Variants in RGPD1 observed in about 807,000 individuals in gnomAD.
The protein encoded by RGPD1 is RANBP2 like and GRIP domain containing 1.
Under a neutral mutation model 40.6 loss-of-function variants are expected in RGPD1, and 7 were observed. That is an observed-to-expected ratio of 0.17 (90% CI 0.10 to 0.32). RGPD1 has a LOEUF of 0.32. Ranked by LOEUF, RGPD1 falls within the 10% of genes least tolerant of loss-of-function variation. The probability of loss-of-function intolerance (pLI) is 1.00; values close to 1 mark genes in which losing one functional copy is unlikely to be tolerated. For missense variants in RGPD1, 50 were observed against 472.5 expected, an observed-to-expected ratio of 0.11 and a Z score of 8.29; for synonymous variants, 24 against 167.0, an observed-to-expected ratio of 0.14 and a Z score of 6.60.
intron 22 of RGPD1, among the ~76,000 whole-genome samples, chr2:87,008,831 G>T (rs1682143885): frequency 1.7e-5 from 1 of 57,234 alleles, no homozygotes; most frequent in Non-Finnish European, 3.2e-5. Context: ...TTCATCAAAA[G>T]AATGGATATG....
chr2:86,941,390 C>CTT (rs1163415939), upstream of RGPD1, among the ~76,000 whole-genome samples: 5 of 142,102 alleles, frequency 3.5e-5, no homozygotes, highest in African/African-American at 1.0e-4. Context: ...ATTCCTTTTC[C>CTT]TTTTTTTTTT....
At chr2:86,934,714 A>T (rs1178631933) in intron 1 of RGPD1, 1 of 207,300 alleles carries the variant, frequency 4.8e-6, no homozygotes, top group African/African-American at 2.4e-5. Context: ...CAGGCTCTTA[A>T]TGGTCAACCA....
Position 86,942,160 on chromosome 2 carries a change from C to G in RGPD1, c.-77C>G, listed in dbSNP as rs1050563612. The G allele has an allele frequency of 4.9e-5, 74 of 1,522,052 alleles. No homozygotes were observed. Among genetic ancestry groups the G allele is most frequent in the Admixed American group, 8.2e-5 (4 of 48,888 alleles). 94.3% of individuals were successfully genotyped at this position (1,522,052 alleles called of 1,614,324 possible). A position where few individuals can be genotyped will look rare whatever the true frequency, so the allele number is the denominator to read the frequency against. ...CGGCTACGTCAGTGGCTTTCAGGCGCTTTCCTGTTGGAATTGGCGACTGCT... is the reference window on the plus strand; with the variant it reads ...CGGCTACGTCAGTGGCTTTCAGGCGGTTTCCTGTTGGAATTGGCGACTGCT... On this transcript the variant is annotated 5_prime_UTR_variant, in exon 1 of 23. Transcript: ENST00000641458.
chr2:86,931,969 TTATA>T (rs1401161354), intron 1 of RGPD1, among the ~76,000 whole-genome samples: 1 of 148,204 alleles, frequency 6.7e-6, no homozygotes, highest in African/African-American at 2.5e-5. Context: ...ATATATATAT[TTATA>T]TATAATATTC....
upstream of RGPD1, among the ~76,000 whole-genome samples, chr2:86,940,874 C>G (rs1443615507): frequency 6.6e-6 from 1 of 152,026 alleles, no homozygotes; most frequent in Non-Finnish European, 1.5e-5. Flanking sequence ...ATTTTCCACT[C>G]CAAACTAGAT....
chr2:86,944,907 C>A (rs944453180), intron 1 of RGPD1, among the ~76,000 whole-genome samples: 2 of 151,830 alleles, frequency 1.3e-5, no homozygotes, highest in African/African-American at 4.8e-5. Context: ...AATGTAGAGA[C>A]GGGGTCTTAC....
intron 1 of RGPD1, among the ~76,000 whole-genome samples, chr2:86,929,593 T>C (rs1678758697): frequency 6.8e-6 from 1 of 146,564 alleles, no homozygotes; most frequent in African/African-American, 2.5e-5. Context: ...GCGCCCTTTC[T>C]ACAGATGAGG....
At chr2:86,930,694 G>A in intron 1 of RGPD1, 1 of 1,602,696 alleles carries the variant, frequency 6.2e-7, no homozygotes, top group Non-Finnish European at 8.5e-7. Context: ...AGCTGCTGTT[G>A]CGGCGCCCGA....
intron 4 of RGPD1, among the ~76,000 whole-genome samples, chr2:86,954,687 A>G (rs1486313178): frequency 2.8e-5 from 4 of 140,732 alleles, no homozygotes; most frequent in Non-Finnish European, 4.7e-5. Flanking sequence ...AGCATTTTGG[A>G]TAGGGGATAC....
In RGPD1 at chr2:86,924,557, A is replaced by C. The variant is rs112811796; in HGVS notation, c.72+10636A>C. On this transcript the variant is annotated intron_variant, in intron 1 of 22. Coordinates refer to the RGPD1 transcript ENST00000398193. ...CGTAGTTGGCTGTAATCTCGAACTC[A>C]TAGGCTCAAGCCATCCTCCTACCTC... 5.3e-3 allele frequency among the ~76,000 whole-genome samples: 796 copies of C among 148,898 alleles called. 13 individuals are homozygous for C. Among genetic ancestry groups the C allele is most frequent in the African/African-American group, 8.2e-3 (330 of 40,110 alleles).
At chr2:86,941,913 T>C (rs961883765), upstream of RGPD1, among the ~76,000 whole-genome samples, 3 of 151,878 alleles carry the variant, frequency 2.0e-5, no homozygotes, top group East Asian at 2.0e-4. Flanking sequence ...GTTTTCGCCA[T>C]GTTGGCCAGG....
At chr2:86,935,080 TG>T (rs1390752450) in intron 1 of RGPD1, among the ~76,000 whole-genome samples, 1 of 147,456 alleles carries the variant, frequency 6.8e-6, no homozygotes, top group African/African-American at 2.5e-5. Context: ...TCAAGCGATC[TG>T]CCCGCTTTGG....
rs545976390 is a variant in RGPD1 at position 86,942,290 on chromosome 2, C to T, written c.54C>T (p.Ser18=). The change falls in exon 1 of 23, where the codon TCC becomes TCT. Residue 18 remains serine (S), a synonymous_variant. Coordinates refer to ENST00000641458, the MANE Select transcript of RGPD1 (RefSeq NM_001382344.1). The part of the protein sequence containing the change: ...GERYVASVQG[S]APSPGKKLRG... ...GGTACGTCGCCTCGGTGCAGGGCTC[C>T]GCCCCGTCGCCTGGAAAGGTGAGTG... is the stretch of plus-strand genomic sequence containing the variant. 1.9e-4 allele frequency: 298 copies of T among 1,599,872 alleles called. No individual in the cohort carries two copies. The highest frequency in any genetic ancestry group is 3.4e-4 in the Admixed American group (20 of 58,790).
chr2:86,930,655 GGTT>G (rs1678877224), intron 1 of RGPD1: 5 of 1,611,198 alleles, frequency 3.1e-6, no homozygotes, highest in Non-Finnish European at 4.2e-6. Flanking sequence ...AGGTAGGGCT[GGTT>G]GTTCACTCCT....
At chr2:86,924,398 G>A (rs1273363042) in intron 1 of RGPD1, among the ~76,000 whole-genome samples, 5 of 149,662 alleles carry the variant, frequency 3.3e-5, no homozygotes, top group Non-Finnish European at 7.5e-5. Context: ...TCAATAATCC[G>A]CCCATGTTGA....
At chr2:86,913,665 G>T (rs1007046196), upstream of RGPD1, 13 of 1,246,336 alleles carry the variant, frequency 1.0e-5, 1 homozygote, top group South Asian at 4.2e-5. Flanking sequence ...CCAAGAGCCC[G>T]GCCGAGTGCA....
At chr2:86,930,541 A>G in intron 1 of RGPD1, 9 of 1,573,678 alleles carry the variant, frequency 5.7e-6, no homozygotes, top group Non-Finnish European at 7.8e-6. Flanking sequence ...AAGGCCCAAC[A>G]GCAGCTAAAG....
chr2:86,915,064 G>A (rs564956434), intron 1 of RGPD1, among the ~76,000 whole-genome samples: 18 of 150,048 alleles, frequency 1.2e-4, no homozygotes, highest in African/African-American at 2.0e-4. Context: ...GTGAGACTGA[G>A]GCAGGTGGAT....
chr2:86,942,847 G>C (rs1198088172), intron 1 of RGPD1, among the ~76,000 whole-genome samples: 1 of 152,004 alleles, frequency 6.6e-6, no homozygotes, highest in Non-Finnish European at 1.5e-5. Context: ...GTCCTGGGGG[G>C]ACCGCGGTGG....
Sources: allele counts gnomAD v4.1 joint callset (sites outside exome capture counted in the v4.1 genomes callset), GRCh38; gene constraint gnomAD v4.1.1; transcripts MANE v1.5; gene names NCBI Gene and HGNC (gene_info 2026-07-23, HGNC 2026-07-21).